SPAG16: variants seen among roughly 807,000 people sequenced by gnomAD.
SPAG16 encodes the protein sperm associated antigen 16.
SPAG16 carries 86 observed loss-of-function variants against 80.4 expected under a neutral mutation model. That is an observed-to-expected ratio of 1.07 (90% CI 0.90 to 1.28). The LOEUF is 1.28. SPAG16 is among the 50% of genes most tolerant of loss of function. The pLI, the probability that SPAG16 is intolerant of heterozygous loss-of-function variation, is 0.00. For missense variants in SPAG16, 870 were observed against 765.3 expected, an observed-to-expected ratio of 1.14 and a Z score of -1.61; for synonymous variants, 294 against 265.9, an observed-to-expected ratio of 1.11 and a Z score of -1.03.
intron 9 of SPAG16, among the ~76,000 whole-genome samples, chr2:213,478,943 C>A (rs2073583580): frequency 6.6e-6 from 1 of 151,908 alleles, no homozygotes; most frequent in Non-Finnish European, 1.5e-5. Context: ...AATTGGCAGT[C>A]CATAGATGCA....
chr2:213,630,331 C>T (rs191247911), intron 10 of SPAG16, among the ~76,000 whole-genome samples: 25 of 151,948 alleles, frequency 1.6e-4, no homozygotes, highest in Admixed American at 3.3e-4. Flanking sequence ...TTGCAGTGAG[C>T]CGAGATTGCA....
intron 10 of SPAG16, among the ~76,000 whole-genome samples, chr2:213,749,956 CTTTTAATCTTGTT>C (rs1183142572): frequency 1.3e-5 from 2 of 152,098 alleles, no homozygotes; most frequent in African/African-American, 4.8e-5. Flanking sequence ...GGTTGAGGTA[CTTTTAATCTTGTT>C]TTCCACACCT....
chr2:213,624,399 C>G (rs926830649), intron 10 of SPAG16, among the ~76,000 whole-genome samples: 2 of 152,048 alleles, frequency 1.3e-5, no homozygotes, highest in African/African-American at 4.8e-5. Flanking sequence ...GAATATATCT[C>G]TAACTTTCTT....
At chr2:213,396,171 C>T (rs2068024436) in intron 9 of SPAG16, among the ~76,000 whole-genome samples, 1 of 152,106 alleles carries the variant, frequency 6.6e-6, no homozygotes, top group African/African-American at 2.4e-5. Flanking sequence ...TTTAGCTAGT[C>T]TTATACCTTT....
chr2:213,608,111 G>A (rs966059593), intron 10 of SPAG16, among the ~76,000 whole-genome samples: 6 of 152,114 alleles, frequency 3.9e-5, no homozygotes, highest in Non-Finnish European at 7.4e-5. Context: ...GTGTGTGTGC[G>A]TGTTAGGAGG....
At chr2:213,631,033 G>A (rs537259060) in intron 10 of SPAG16, among the ~76,000 whole-genome samples, 1 of 152,266 alleles carries the variant, frequency 6.6e-6, no homozygotes, top group South Asian at 2.1e-4. Context: ...TAAACGATCT[G>A]ATGGTGCCGA....
At chr2:213,406,386 C>A (rs1296703559) in intron 9 of SPAG16, among the ~76,000 whole-genome samples, 1 of 152,186 alleles carries the variant, frequency 6.6e-6, no homozygotes, top group Non-Finnish European at 1.5e-5. Flanking sequence ...AAAATTATTT[C>A]ACTTGATTCT....
chr2:213,841,142 C>A (rs1230794823), intron 10 of SPAG16, among the ~76,000 whole-genome samples: 1 of 151,770 alleles, frequency 6.6e-6, no homozygotes, highest in Non-Finnish European at 1.5e-5. Context: ...TGATTGGTTT[C>A]CCTTAAAAAA....
chr2:213,757,858 C>G (rs545891981), intron 10 of SPAG16, among the ~76,000 whole-genome samples: 1 of 152,092 alleles, frequency 6.6e-6, no homozygotes, highest in South Asian at 2.1e-4. Context: ...CAAAGATGGA[C>G]GCAAAGAGGT....
At chr2:214,012,234 TTATATA>T (rs1243725417) in intron 12 of SPAG16, among the ~76,000 whole-genome samples, 3 of 135,776 alleles carry the variant, frequency 2.2e-5, no homozygotes, top group African/African-American at 8.0e-5. Context: ...ATATACTTAC[TTATATA>T]TATATATTTT....
intron 12 of SPAG16, among the ~76,000 whole-genome samples, chr2:213,932,753 A>G (rs796078996): frequency 2.6e-5 from 4 of 152,296 alleles, no homozygotes; most frequent in African/African-American, 9.6e-5. Flanking sequence ...AAGCATCAAC[A>G]ATATAGAAAA....
intron 14 of SPAG16, among the ~76,000 whole-genome samples, chr2:214,130,993 A>G (rs2054736244): frequency 6.6e-6 from 1 of 152,162 alleles, no homozygotes; most frequent in Non-Finnish European, 1.5e-5. Flanking sequence ...TTTGCATCGT[A>G]TTTGGCAGCC....
chr2:213,827,318 A>G (rs1388077440), intron 10 of SPAG16, among the ~76,000 whole-genome samples: 2 of 151,588 alleles, frequency 1.3e-5, no homozygotes, highest in Non-Finnish European at 2.9e-5. Context: ...AATTTCTTGC[A>G]TCTTATTTTT....
At chr2:214,390,501 C>T (rs1701014785) in intron 15 of SPAG16, among the ~76,000 whole-genome samples, 1 of 152,134 alleles carries the variant, frequency 6.6e-6, no homozygotes, top group Non-Finnish European at 1.5e-5. Flanking sequence ...TTATCTCAGG[C>T]TCACTTTGAG....
intron 15 of SPAG16, among the ~76,000 whole-genome samples, chr2:214,330,806 T>C (rs1482954258): frequency 6.6e-6 from 1 of 152,134 alleles, no homozygotes; most frequent in Non-Finnish European, 1.5e-5. Context: ...AGAATGAATG[T>C]TGTGGTGCCA....
chr2:213,312,343 AG>A (rs956193495), intron 4 of SPAG16, among the ~76,000 whole-genome samples: 11 of 151,718 alleles, frequency 7.3e-5, no homozygotes, highest in Admixed American at 2.6e-4. Flanking sequence ...GTAATTTCTC[AG>A]GGGGGAAAAA....
At chr2:214,301,408 A>C (rs1211607581) in intron 15 of SPAG16, among the ~76,000 whole-genome samples, 1 of 152,116 alleles carries the variant, frequency 6.6e-6, no homozygotes, top group Non-Finnish European at 1.5e-5. Context: ...AAATAGAACA[A>C]GATGGGGAAT....
chr2:213,367,532 T>A (rs1199982860), intron 8 of SPAG16, among the ~76,000 whole-genome samples: 3 of 152,424 alleles, frequency 2.0e-5, no homozygotes, highest in Non-Finnish European at 2.9e-5. Flanking sequence ...ATTTCTCTGA[T>A]GGCCAGTGTG....
chr2:213,670,318 T>C (rs2063772278), intron 10 of SPAG16, among the ~76,000 whole-genome samples: 2 of 152,164 alleles, frequency 1.3e-5, no homozygotes, highest in Non-Finnish European at 2.9e-5. Context: ...ATTCTTAAAA[T>C]TGATCTGCCA....
Sources: gnomAD v4.1 joint callset for allele counts (sites outside exome capture counted in the v4.1 genomes callset) on GRCh38, gnomAD v4.1.1 for gene constraint, MANE v1.5 for transcripts, NCBI Gene and HGNC (gene_info 2026-07-23, HGNC 2026-07-21) for gene names.